SUGCT: variants seen among roughly 807,000 people sequenced by gnomAD.
SUGCT encodes the protein succinyl-CoA:glutarate CoA-transferase.
A neutral mutation model predicts 55.0 loss-of-function variants in SUGCT; 41 were observed. That is an observed-to-expected ratio of 0.74 (90% confidence interval 0.58 to 0.97). The LOEUF (loss-of-function observed/expected upper bound fraction) is 0.97, where lower values mean the gene tolerates loss of function less well. SUGCT is among the 50% of genes least tolerant of loss of function. The pLI is 0.00. For synonymous variants in SUGCT, 187 were observed against 200.4 expected (o/e 0.93, Z 0.56); for missense variants, 568 against 547.8 (o/e 1.04, Z -0.37).
At chr7:40,278,846 A>T (rs1279778067) in intron 8 of SUGCT, among the ~76,000 whole-genome samples, 3 of 134,066 alleles carry the variant, frequency 2.2e-5, no homozygotes, top group Admixed American at 1.5e-4. Flanking sequence ...TTTTTTAAAG[A>T]GATACGGTCT....
At chr7:40,608,941 C>G (rs1798643171) in intron 12 of SUGCT, among the ~76,000 whole-genome samples, 1 of 152,174 alleles carries the variant, frequency 6.6e-6, no homozygotes, top group Admixed American at 6.5e-5. Context: ...CTCTAGCATA[C>G]ACTACAATGC....
intron 12 of SUGCT, among the ~76,000 whole-genome samples, chr7:40,734,464 T>C (rs1478094517): frequency 1.3e-5 from 2 of 152,254 alleles, no homozygotes; most frequent in Non-Finnish European, 1.5e-5. Context: ...AAAATAGAGA[T>C]AATAATGAAA....
At chr7:40,893,093 T>C in the SUGCT span, among the ~76,000 whole-genome samples, 1 of 152,176 alleles carries the variant, frequency 6.6e-6, no homozygotes, top group Non-Finnish European at 1.5e-5. Flanking sequence ...AAGGTCGCTA[T>C]ATAATGATAA....
chr7:40,725,904 A>G (rs574519362), intron 12 of SUGCT, among the ~76,000 whole-genome samples: 2 of 152,148 alleles, frequency 1.3e-5, no homozygotes, highest in East Asian at 3.9e-4. Context: ...GTAAGTGAGT[A>G]AAGAACTTTA....
chr7:40,602,838 A>G (rs1229613396), intron 12 of SUGCT, among the ~76,000 whole-genome samples: 1 of 152,138 alleles, frequency 6.6e-6, no homozygotes, highest in Non-Finnish European at 1.5e-5. Flanking sequence ...CATCCTAGAC[A>G]TTATTCATAG....
intron 13 of SUGCT, among the ~76,000 whole-genome samples, chr7:40,767,802 G>A (rs990169006): frequency 6.6e-6 from 1 of 152,132 alleles, no homozygotes; most frequent in Admixed American, 6.5e-5. Context: ...CACAAGGCCA[G>A]TATTCAAAAG....
rs567075670 is a variant in SUGCT at position 40,625,856 on chromosome 7, T to C, written c.1090-123578T>C. Among the ~76,000 whole-genome samples the C allele has an allele frequency of 2.0e-5, 3 of 152,306 alleles. No homozygotes were observed. The South Asian group carries it at 6.2e-4, about 32-fold the overall frequency. On this transcript the variant is annotated intron_variant, in intron 12 of 13. Transcript: ENST00000335693. ...ATGTGCAGGACAGGTGAATGATTGA[T>C]TGCTTTTTCCATGAACAATTTATTA...
intron 8 of SUGCT, among the ~76,000 whole-genome samples, chr7:40,283,517 C>T (rs1044197532): frequency 6.6e-6 from 1 of 152,148 alleles, no homozygotes; most frequent in Non-Finnish European, 1.5e-5. Flanking sequence ...GCATGAGCCA[C>T]CGCGCCTGGC....
rs202125224 is a variant in SUGCT, at chr7:40,245,404, CAT to C, written c.576+7697_576+7698del. On this transcript the variant is annotated intron_variant, in intron 7 of 13. Transcript: ENST00000335693. ...TAAATTTTTATAGGTACGTAGTAGA[CAT>C]ATATATATATATATATATTTTTTTT... is the stretch of plus-strand genomic sequence containing the variant. Among the ~76,000 whole-genome samples the C allele has an allele frequency of 1.9e-3, 103 of 53,314 alleles. 2 individuals are homozygous for C. Among genetic ancestry groups the C allele is most frequent in the South Asian group, 0.01 (11 of 1,092 alleles). The allele number at this position is 53,314 out of a possible 152,430, so 35.0% of individuals were successfully genotyped here.
intron 13 of SUGCT, among the ~76,000 whole-genome samples, chr7:40,822,701 G>A (rs1489472537): frequency 6.6e-6 from 1 of 152,150 alleles, no homozygotes; most frequent in Non-Finnish European, 1.5e-5. Flanking sequence ...GTAGAGCACT[G>A]TTTTTTACCT....
intron 9 of SUGCT, among the ~76,000 whole-genome samples, chr7:40,322,513 C>T (rs1258901822): frequency 1.3e-5 from 2 of 152,196 alleles, no homozygotes; most frequent in Admixed American, 6.5e-5. Context: ...TCTGTCCCCC[C>T]AGCTCATTCC....
At chr7:40,659,797 G>A (rs1170361892) in intron 12 of SUGCT, among the ~76,000 whole-genome samples, 1 of 152,080 alleles carries the variant, frequency 6.6e-6, no homozygotes, top group Non-Finnish European at 1.5e-5. Flanking sequence ...TGGGGTGAGG[G>A]ACACCATCAC....
chr7:40,352,085 G>A (rs189706657), intron 9 of SUGCT, among the ~76,000 whole-genome samples: 8 of 152,290 alleles, frequency 5.3e-5, no homozygotes, highest in Admixed American at 2.0e-4. Context: ...GCTGCATCAC[G>A]TGAGAACTTG....
chr7:40,929,179 T>G, the SUGCT span, among the ~76,000 whole-genome samples: 483 of 152,128 alleles, frequency 3.2e-3, 2 homozygotes, highest in African/African-American at 0.011. Context: ...CGGTGTTTGG[T>G]TTTCTGTCCT....
chr7:40,692,205 G>A (rs1394698466), intron 12 of SUGCT, among the ~76,000 whole-genome samples: 1 of 152,170 alleles, frequency 6.6e-6, no homozygotes, highest in Non-Finnish European at 1.5e-5. Flanking sequence ...TATAGTAGTG[G>A]TACTTAGGGG....
chr7:40,728,898 A>C (rs1484495108), intron 12 of SUGCT, among the ~76,000 whole-genome samples: 1 of 152,188 alleles, frequency 6.6e-6, no homozygotes, highest in Non-Finnish European at 1.5e-5. Context: ...AATTTGTTTA[A>C]TGCTGTGTGC....
At chr7:40,845,717 C>G (rs532405765) in intron 13 of SUGCT, among the ~76,000 whole-genome samples, 1 of 152,096 alleles carries the variant, frequency 6.6e-6, no homozygotes, top group Non-Finnish European at 1.5e-5. Flanking sequence ...ATCAATTGTT[C>G]GACAAATAAT....
intron 12 of SUGCT, among the ~76,000 whole-genome samples, chr7:40,689,450 G>A (rs1031529098): frequency 1.3e-5 from 2 of 152,098 alleles, no homozygotes; most frequent in Non-Finnish European, 2.9e-5. Context: ...GATTATCGTG[G>A]GTAATTTTCC....
the SUGCT span, among the ~76,000 whole-genome samples, chr7:41,003,088 G>A: frequency 2.0e-5 from 3 of 152,136 alleles, no homozygotes; most frequent in African/African-American, 4.8e-5. Context: ...GATGAAATCC[G>A]TGAAATTCTG....
Sources: gnomAD v4.1 joint callset for allele counts (sites outside exome capture counted in the v4.1 genomes callset) on GRCh38, gnomAD v4.1.1 for gene constraint, MANE v1.5 for transcripts, NCBI Gene and HGNC (gene_info 2026-07-23, HGNC 2026-07-21) for gene names.